Variants in TEAD1 observed in about 807,000 individuals in gnomAD.
TEAD1 encodes TEA domain transcription factor 1.
In TEAD1, 9 loss-of-function variants were observed where a neutral mutation model predicts 54.9. That is an observed-to-expected ratio of 0.16 (90% confidence interval 0.10 to 0.29). The LOEUF (loss-of-function observed/expected upper bound fraction) is 0.29. Among genes scored for constraint, TEAD1 ranks in the 10% least tolerant of loss-of-function variants. TEAD1 has a pLI of 1.00. For missense variants in TEAD1, 387 were observed against 535.9 expected (o/e 0.72, Z 2.74); for synonymous variants, 200 against 187.8 (o/e 1.07, Z -0.53).
At chr11:12,808,218 G>C (rs1368110635) in intron 3 of TEAD1, among the ~76,000 whole-genome samples, 1 of 148,554 alleles carries the variant, frequency 6.7e-6, no homozygotes, top group African/African-American at 2.4e-5. Context: ...TCAAATACTG[G>C]CTTCAAATAT....
rs549185277 is a variant in TEAD1, at chr11:12,930,118, T to C, written c.1015-56T>C. On this transcript the variant is annotated intron_variant, in intron 11 of 12. Coordinates refer to ENST00000527636, the MANE Select transcript of TEAD1 (RefSeq NM_021961.6). ...TGCTTTTATGGGCAGTAATATCTGT[T>C]TCATGTGTTTTGGAGTCAAAAGTGT... is the stretch of plus-strand genomic sequence containing the variant. 1.1e-5 allele frequency: 18 copies of C among 1,607,558 alleles called. No individual in the cohort carries two copies. In the African/African-American group the frequency reaches 2.4e-4, roughly 21 times the overall value.
chr11:12,744,944 T>C (rs1430316475), intron 2 of TEAD1, among the ~76,000 whole-genome samples: 1 of 152,166 alleles, frequency 6.6e-6, no homozygotes, highest in East Asian at 1.9e-4. Flanking sequence ...TGGCTTCTTA[T>C]TAATGTCCCT....
chr11:12,749,840 C>G (rs1389389302), intron 2 of TEAD1, among the ~76,000 whole-genome samples: 24 of 152,150 alleles, frequency 1.6e-4, no homozygotes, highest in Admixed American at 1.6e-3. Flanking sequence ...AGCCTGTCTT[C>G]AGCTAAGGTG....
At chr11:12,828,100 G>A (rs921851294) in intron 3 of TEAD1, 1 of 152,208 alleles carries the variant, frequency 6.6e-6, no homozygotes, top group Admixed American at 6.5e-5. Flanking sequence ...GAATATGTTT[G>A]CCTGCATCCT....
In TEAD1 at chr11:12,730,449, G is replaced by A. The variant is rs1384151699; in HGVS notation, c.-54-33730G>A. 3.6e-5 allele frequency among the ~76,000 whole-genome samples: 4 copies of A among 110,064 alleles called. No individual in the cohort carries two copies. In the South Asian group the frequency reaches 9.5e-4, roughly 26 times the overall value. The allele number at this position is 110,064 out of a possible 152,430, so 72.2% of individuals were successfully genotyped here. On this transcript the variant is annotated intron_variant, in intron 2 of 12. Coordinates refer to ENST00000527636, the MANE Select transcript of TEAD1 (RefSeq NM_021961.6). ...TTTTTTTTTTTTTTTTTTTCCTAAC[G>A]GTATTCCATTTGGCTCCAGTTTGGT...
intron 2 of TEAD1, among the ~76,000 whole-genome samples, chr11:12,720,871 C>T (rs1944180872): frequency 6.6e-6 from 1 of 152,162 alleles, no homozygotes; most frequent in Non-Finnish European, 1.5e-5. Flanking sequence ...AGGGACAGTC[C>T]TCAGAAAATG....
intron 9 of TEAD1, among the ~76,000 whole-genome samples, chr11:12,894,138 T>C (rs1948258297): frequency 6.6e-6 from 1 of 152,232 alleles, no homozygotes; most frequent in African/African-American, 2.4e-5. Context: ...TTTCTTTAAA[T>C]TCCTAAGTGG....
chr11:12,829,405 C>T (rs2134015172), intron 3 of TEAD1, among the ~76,000 whole-genome samples: 1 of 152,310 alleles, frequency 6.6e-6, no homozygotes, highest in Non-Finnish European at 1.5e-5. Flanking sequence ...TCACCCAGGA[C>T]CCTGAAGTAT....
At chr11:12,763,546 T>C (rs1945141559) in intron 2 of TEAD1, among the ~76,000 whole-genome samples, 1 of 152,238 alleles carries the variant, frequency 6.6e-6, no homozygotes, top group African/African-American at 2.4e-5. Flanking sequence ...CTCAGTAGAA[T>C]GAGTATGTGT....
At chr11:12,813,337 T>G (rs1564948974) in intron 3 of TEAD1, among the ~76,000 whole-genome samples, 1 of 152,162 alleles carries the variant, frequency 6.6e-6, no homozygotes, top group Non-Finnish European at 1.5e-5. Context: ...GAGCCACCTT[T>G]AAGAGTGCCT....
intron 9 of TEAD1, among the ~76,000 whole-genome samples, chr11:12,887,085 T>G (rs1217671586): frequency 5.3e-4 from 5 of 9,378 alleles, no homozygotes; most frequent in South Asian, 3.2e-3. Flanking sequence ...TTTTTTGTTT[T>G]TTTTTTTGTT....
chr11:12,770,099 T>C (rs1372688991), intron 3 of TEAD1, among the ~76,000 whole-genome samples: 1 of 151,872 alleles, frequency 6.6e-6, no homozygotes, highest in Admixed American at 6.5e-5. Flanking sequence ...CTGCACAAAA[T>C]ATGGACAATA....
chr11:12,680,737 C>T (rs1201212850), intron 2 of TEAD1, among the ~76,000 whole-genome samples: 1 of 152,190 alleles, frequency 6.6e-6, no homozygotes, highest in Admixed American at 6.5e-5. Flanking sequence ...GGGGGAGGAA[C>T]AAAGCTAATG....
At chr11:12,816,874 C>T (rs1946426896) in intron 3 of TEAD1, among the ~76,000 whole-genome samples, 1 of 152,194 alleles carries the variant, frequency 6.6e-6, no homozygotes, top group African/African-American at 2.4e-5. Context: ...AGAGAACCTA[C>T]AACTGCTGCA....
intron 3 of TEAD1, among the ~76,000 whole-genome samples, chr11:12,850,366 G>GC (rs920428289): frequency 5.9e-5 from 9 of 152,204 alleles, no homozygotes; most frequent in Admixed American, 3.9e-4. Flanking sequence ...AACCCGGGAG[G>GC]CGGAGGCTGC....
At chr11:12,790,746 G>T (rs553701328) in intron 3 of TEAD1, among the ~76,000 whole-genome samples, 1 of 152,288 alleles carries the variant, frequency 6.6e-6, no homozygotes, top group East Asian at 1.9e-4. Context: ...TGTATAAATA[G>T]TCAAGAAGCA....
At chr11:12,857,114 C>T (rs1947400076) in intron 3 of TEAD1, among the ~76,000 whole-genome samples, 2 of 152,132 alleles carry the variant, frequency 1.3e-5, no homozygotes, top group South Asian at 2.1e-4. Context: ...TCTGTATTGC[C>T]CCTTTAGCAG....
At chr11:12,714,804 G>A (rs1944019703) in intron 2 of TEAD1, among the ~76,000 whole-genome samples, 1 of 152,124 alleles carries the variant, frequency 6.6e-6, no homozygotes, top group Non-Finnish European at 1.5e-5. Flanking sequence ...CTGTGTCCTT[G>A]GGTGGTCTCT....
At chr11:12,861,937 G>A (rs1255563276) in intron 3 of TEAD1, among the ~76,000 whole-genome samples, 2 of 150,632 alleles carry the variant, frequency 1.3e-5, no homozygotes, top group African/African-American at 2.4e-5. Flanking sequence ...CATGAGCCAA[G>A]ATCGTGCCAT....
Sources: gnomAD v4.1 joint callset for allele counts (sites outside exome capture counted in the v4.1 genomes callset) on GRCh38, gnomAD v4.1.1 for gene constraint, MANE v1.5 for transcripts, NCBI Gene and HGNC (gene_info 2026-07-23, HGNC 2026-07-21) for gene names.